NALF1: variants seen among roughly 807,000 people sequenced by gnomAD.
NALF1 encodes the protein NALCN channel auxiliary factor 1, also known as family with sequence similarity 155 member A.
NALF1 carries 3 observed loss-of-function variants against 48.4 expected under a neutral mutation model. The observed-to-expected ratio is 0.06, with a 90% confidence interval of 0.03 to 0.16. The LOEUF (loss-of-function observed/expected upper bound fraction) is 0.16, where lower values mean the gene tolerates loss of function less well. Ranked by LOEUF, NALF1 falls within the 10% of genes least tolerant of loss-of-function variation. The pLI, the probability that NALF1 is intolerant of heterozygous loss-of-function variation, is 1.00. For synonymous variants in NALF1, 262 were observed against 245.7 expected, an observed-to-expected ratio of 1.07 and a Z score of -0.62; for missense variants, 526 against 571.5, an observed-to-expected ratio of 0.92 and a Z score of 0.81.
intron 1 of NALF1, among the ~76,000 whole-genome samples, chr13:107,722,834 C>A (rs779428460): frequency 7.2e-5 from 11 of 152,212 alleles, no homozygotes; most frequent in Non-Finnish European, 1.0e-4. Context: ...ATTGTCACCA[C>A]ATGGATGGGT....
chr13:107,193,688 G>C (rs1459212964), intron 2 of NALF1, among the ~76,000 whole-genome samples: 1 of 152,106 alleles, frequency 6.6e-6, no homozygotes, highest in Non-Finnish European at 1.5e-5. Flanking sequence ...TTACATGATT[G>C]CCCAAGTGTG....
chr13:107,172,312 TAC>T (rs1211930159), intron 2 of NALF1, among the ~76,000 whole-genome samples: 1 of 152,256 alleles, frequency 6.6e-6, no homozygotes, highest in Non-Finnish European at 1.5e-5. Context: ...TCAATTTTCT[TAC>T]TTATCTGTCA....
chr13:107,663,987 T>G (rs1566435335), intron 1 of NALF1, among the ~76,000 whole-genome samples: 1 of 152,144 alleles, frequency 6.6e-6, no homozygotes, highest in East Asian at 1.9e-4. Flanking sequence ...TGTGTGCTGA[T>G]GACTCCCAAA....
At chr13:107,708,884 G>C (rs1329774317) in intron 1 of NALF1, among the ~76,000 whole-genome samples, 3 of 151,976 alleles carry the variant, frequency 2.0e-5, no homozygotes, top group Non-Finnish European at 4.4e-5. Context: ...GCTCTCCCTT[G>C]TTTTTCATTT....
chr13:107,310,137 T>C (rs980543544), intron 1 of NALF1, among the ~76,000 whole-genome samples: 1 of 152,118 alleles, frequency 6.6e-6, no homozygotes, highest in Non-Finnish European at 1.5e-5. Context: ...GGGCTGGGTG[T>C]GGTGGCTCAC....
chr13:107,288,346 A>C (rs1189644107), intron 1 of NALF1, among the ~76,000 whole-genome samples: 1 of 149,940 alleles, frequency 6.7e-6, no homozygotes, highest in Non-Finnish European at 1.5e-5. Context: ...CAGCCTCCCG[A>C]GTAGCTGGGA....
chr13:107,512,441 C>T (rs139195069), intron 1 of NALF1, among the ~76,000 whole-genome samples: 27 of 152,196 alleles, frequency 1.8e-4, no homozygotes, highest in African/African-American at 5.8e-4. Context: ...TAGACCTTGA[C>T]GTTGTAAAGT....
intron 1 of NALF1, among the ~76,000 whole-genome samples, chr13:107,467,363 AT>A (rs1566354431): frequency 1.1e-5 from 1 of 91,218 alleles, no homozygotes; most frequent in Non-Finnish European, 3.1e-5. Flanking sequence ...TTTCATCTTA[AT>A]TTTCTTAATT....
At chr13:107,181,198 T>C (rs905983990) in intron 2 of NALF1, among the ~76,000 whole-genome samples, 2 of 151,618 alleles carry the variant, frequency 1.3e-5, no homozygotes, top group African/African-American at 4.8e-5. Context: ...TGTTAGTGAA[T>C]TGGTATCTTT....
intron 1 of NALF1, among the ~76,000 whole-genome samples, chr13:107,321,530 C>G (rs1279473799): frequency 6.6e-6 from 1 of 152,098 alleles, no homozygotes; most frequent in African/African-American, 2.4e-5. Context: ...AGATGACTTT[C>G]TGAGGATTAA....
intron 1 of NALF1, among the ~76,000 whole-genome samples, chr13:107,709,534 T>G (rs2138517827): frequency 6.6e-6 from 1 of 152,364 alleles, no homozygotes; most frequent in East Asian, 1.9e-4. Flanking sequence ...AAACTAGTTC[T>G]GGAAAGGAGA....
intron 1 of NALF1, among the ~76,000 whole-genome samples, chr13:107,654,916 G>A (rs1880537431): frequency 6.6e-6 from 1 of 152,090 alleles, no homozygotes; most frequent in African/African-American, 2.4e-5. Context: ...CATCTCAACA[G>A]ACGTAGAAAA....
chr13:107,254,572 T>C lies in NALF1; in HGVS notation c.916-43817A>G, dbSNP rs375145726. On this transcript the variant is annotated intron_variant, in intron 1 of 2. Coordinates refer to ENST00000375915, the MANE Select transcript of NALF1 (RefSeq NM_001080396.3). ...TACCACAGCTGTCCAGGCTCACTGA[T>C]GCTTGTAGAGAAGTGTCCTCAGAAT... Among the ~76,000 whole-genome samples, 40 of 152,320 alleles carry C rather than the reference T, an allele frequency of 2.6e-4. No individual in the cohort carries two copies. In the East Asian group the frequency reaches 4.6e-3, roughly 18 times the overall value.
At chr13:107,206,541 T>G (rs1879647404) in intron 2 of NALF1, among the ~76,000 whole-genome samples, 1 of 152,236 alleles carries the variant, frequency 6.6e-6, no homozygotes, top group African/African-American at 2.4e-5. Context: ...CTGAATTTAG[T>G]AAGTGTGACC....
At chr13:107,808,928 T>G (rs532594128) in intron 1 of NALF1, among the ~76,000 whole-genome samples, 2 of 152,266 alleles carry the variant, frequency 1.3e-5, no homozygotes, top group East Asian at 3.9e-4. Context: ...CTAATAGGCC[T>G]GTGACTATGC....
chr13:107,224,417 G>T, intron 1 of NALF1, among the ~76,000 whole-genome samples: 1 of 148,718 alleles, frequency 6.7e-6, no homozygotes. Flanking sequence ...TTTGAATTAT[G>T]TATATAATAT....
intron 1 of NALF1, among the ~76,000 whole-genome samples, chr13:107,269,439 G>T (rs780657781): frequency 3.9e-5 from 6 of 152,068 alleles, no homozygotes; most frequent in Non-Finnish European, 7.4e-5. Flanking sequence ...AGGGGTCCAG[G>T]GATCAGATAG....
intron 1 of NALF1, among the ~76,000 whole-genome samples, chr13:107,214,346 A>G (rs1014346834): frequency 6.6e-6 from 1 of 152,266 alleles, no homozygotes; most frequent in Non-Finnish European, 1.5e-5. Flanking sequence ...CATAAGAACT[A>G]TGGAGTACAA....
intron 1 of NALF1, among the ~76,000 whole-genome samples, chr13:107,421,704 G>A (rs1160443987): frequency 6.6e-6 from 1 of 152,134 alleles, no homozygotes; most frequent in African/African-American, 2.4e-5. Context: ...GCAAAATGAG[G>A]TCAATGATGT....
Sources: gnomAD v4.1 joint callset for allele counts (sites outside exome capture counted in the v4.1 genomes callset) on GRCh38, gnomAD v4.1.1 for gene constraint, MANE v1.5 for transcripts, NCBI Gene and HGNC (gene_info 2026-07-23, HGNC 2026-07-21) for gene names.